Variants in ZFYVE26 observed in about 807,000 individuals in gnomAD.
ZFYVE26 encodes the protein zinc finger FYVE domain-containing protein 26.
A neutral mutation model predicts 276.5 loss-of-function variants in ZFYVE26; 181 were observed. That is an observed-to-expected ratio of 0.65 (90% CI 0.58 to 0.74). The LOEUF is 0.74. Ranked by LOEUF, ZFYVE26 falls within the 30% of genes least tolerant of loss-of-function variation. The pLI is 0.00. For synonymous variants in ZFYVE26, 1,129 were observed against 1,203.1 expected, an observed-to-expected ratio of 0.94 and a Z score of 1.27; for missense variants, 2,821 against 3,097.9, an observed-to-expected ratio of 0.91 and a Z score of 2.12.
chr14:67,798,247 G>A lies in ZFYVE26; in HGVS notation c.2015C>T (p.Thr672Ile). The A allele has an allele frequency of 2.5e-6, 4 of 1,614,190 alleles. No homozygotes were observed. Among genetic ancestry groups the A allele is most frequent in the Non-Finnish European group, 3.4e-6 (4 of 1,180,032 alleles). Residue 672 changes from threonine to isoleucine, a missense_variant, in exon 11 of 42, where the codon ACT becomes ATT. Transcript: ENST00000347230. ...AGCCAGAAATCCACTGATACCACTA[G>A]TAAAGTGTTTTAAGTCCAAAAAGCT... is the stretch of plus-strand genomic sequence containing the variant. ...RHSFLDLKHFTSGISGFLADE... is the reference protein window; with the variant it reads ...RHSFLDLKHFISGISGFLADE...
In ZFYVE26 at chr14:67,729,491, G is replaced by A. The variant is rs563615793; in HGVS notation, n.3008C>T. ...GTTTGTGCCTGATGATGCAATCCAG[G>A]TTTGGGTTGGGCCTGCAAACAGAAT... On this transcript the variant is annotated non_coding_transcript_exon_variant, in exon 14 of 15. Coordinates refer to the ZFYVE26 transcript ENST00000394455. 2.5e-4 allele frequency: 272 copies of A among 1,094,810 alleles called. 1 individual carries two copies. The African/African-American group carries it at 3.3e-3, about 13-fold the overall frequency. The allele number at this position is 1,094,810 out of a possible 1,614,324, so 67.8% of individuals were successfully genotyped here.
intron 10 of ZFYVE26, chr14:67,799,650 G>T (rs1397134502): frequency 7.6e-7 from 1 of 1,324,242 alleles, no homozygotes; most frequent in Admixed American, 1.7e-5. Context: ...GTAAATTGAT[G>T]CCATGGTAGG....
rs748946268 is a variant in ZFYVE26, at chr14:67,762,397, C to A, written c.6175G>T (p.Gly2059Trp). The A allele has an allele frequency of 3.7e-6, 6 of 1,613,964 alleles. No individual in the cohort carries two copies. In the South Asian group the frequency reaches 6.6e-5, roughly 18 times the overall value. The change falls in exon 34 of 42, where the codon GGG (glycine) becomes TGG (tryptophan). Residue 2059 changes from glycine (G) to tryptophan (W), a missense_variant. By Grantham distance (184) the Gly-to-Trp change is radical. Coordinates refer to ENST00000347230, the MANE Select transcript of ZFYVE26 (RefSeq NM_015346.4). The stretch of plus-strand genomic sequence containing the variant: ...TGCCACGCCCCGGTGGTATCAAGCC[C>A]AGTCTTTGTGGAGACCTGGGAGAAA... ...QLGVEVSTKT[G>W]LDTTGAWHAW...
At position 67,814,047 on chromosome 14, in the gene ZFYVE26, T is replaced by A; in HGVS notation, c.212A>T (p.Asn71Ile). 1 of 1,613,830 alleles carries A rather than the reference T, an allele frequency of 6.2e-7. No homozygotes were observed. Among genetic ancestry groups the A allele is most frequent in the East Asian group, 2.2e-5 (1 of 44,880 alleles). ...PNLLRCGQDI[N>I]PQRVAWVWLL... Reference sequence around the variant, plus strand: ...CCAGACCCAGGCTACTCTTTGAGGGTTGATGTCCTGCCCACATCTGAAAAA... The same window carrying A: ...CCAGACCCAGGCTACTCTTTGAGGGATGATGTCCTGCCCACATCTGAAAAA... Residue 71 changes from asparagine (N) to isoleucine (I), a missense_variant, in exon 3 of 42, where the codon AAC (asparagine) becomes ATC (isoleucine). Transcript: ENST00000347230.
chr14:67,777,881 T>A, intron 24 of ZFYVE26, 146 bp from the exon 25 acceptor site: 1 of 1,208,946 alleles, frequency 8.3e-7, no homozygotes, highest in South Asian at 1.3e-5. Context: ...ACCACCTCTG[T>A]AGTTTCCCAA....
chr14:67,732,182 G>C (rs1370544484), intron 13 of ZFYVE26, among the ~76,000 whole-genome samples: 2 of 148,246 alleles, frequency 1.3e-5, no homozygotes, highest in Non-Finnish European at 3.0e-5. Flanking sequence ...CATGCCTGTA[G>C]TCCCAGTACT....
Position 67,806,596 on chromosome 14 carries a change from C to G in ZFYVE26, c.966G>C (p.Val322=). Residue 322 remains valine, a synonymous_variant, in exon 6 of 42, where the codon GTG becomes GTC. Transcript: ENST00000347230. ...TGTTGCTCAGGCAGTAGAAATAGGC[C>G]ACTTTCCAAGCCTCGGCTGGGTTGG... The part of the protein sequence containing the change: ...SNPNPAEAWK[V]AYFYCLSNNK... The G allele has an allele frequency of 1.9e-6, 3 of 1,614,214 alleles. No individual in the cohort carries two copies. Among genetic ancestry groups the G allele is most frequent in the Non-Finnish European group, 2.5e-6 (3 of 1,180,030 alleles).
Position 67,755,966 on chromosome 14 carries a change from C to A in ZFYVE26, c.6768G>T (p.Glu2256Asp), listed in dbSNP as rs780671236. Residue 2256 changes from glutamate to aspartate, a missense_variant, in exon 36 of 42, where the codon GAG becomes GAT. Physicochemically the swap from Glu to Asp is conservative, Grantham distance 45. Transcript: ENST00000347230. ...CCATTACCTTCATAAACTGCTGCAGCTCATACAGAATGTGGTAGTAGTTCT... is the reference window on the plus strand; with the variant it reads ...CCATTACCTTCATAAACTGCTGCAGATCATACAGAATGTGGTAGTAGTTCT... The part of the protein sequence containing the change: ...QKKNYYHILY[E>D]LQQFMKDQVR... 3.7e-6 allele frequency: 6 copies of A among 1,614,242 alleles called. No homozygotes were observed. In the South Asian group the frequency reaches 6.6e-5, roughly 18 times the overall value.
intron 3 of ZFYVE26, 80 bp from the exon 4 acceptor site, chr14:67,809,369 G>T: frequency 4.2e-6 from 4 of 948,884 alleles, no homozygotes; most frequent in Non-Finnish European, 6.5e-6. Flanking sequence ...TTTCTGTCCA[G>T]TTAGTCTTAT....
At chr14:67,806,973 C>G (rs1190344151) in intron 5 of ZFYVE26, among the ~76,000 whole-genome samples, 1 of 152,128 alleles carries the variant, frequency 6.6e-6, no homozygotes, top group Non-Finnish European at 1.5e-5. Flanking sequence ...CTCTGTCATG[C>G]AGGCTGGAAT....
chr14:67,755,103 T>G lies in ZFYVE26; in HGVS notation c.6934A>C (p.Arg2312=), dbSNP rs781128058. The change falls in exon 37 of 42, where the codon AGG becomes CGG. Residue 2312 remains arginine, a synonymous_variant. Transcript: ENST00000347230. ...YLQETSRSSG[R]KKTTFFRKKM... is the part of the protein sequence containing the mutation. Reference sequence around the variant, plus strand: ...TTTCTGAAGAATGTGGTTTTCTTCCTTCCAGAGCTGCGGGATGTTTCTTGG... The same window carrying G: ...TTTCTGAAGAATGTGGTTTTCTTCCGTCCAGAGCTGCGGGATGTTTCTTGG... The G allele has an allele frequency of 1.9e-6, 3 of 1,614,202 alleles. No homozygotes were observed. The highest frequency in any genetic ancestry group is 2.5e-6 in the Non-Finnish European group (3 of 1,180,036).
intron 3 of ZFYVE26, 119 bp from the exon 4 acceptor site, chr14:67,809,408 C>CTTTT (rs10580613): frequency 2.3e-4 from 50 of 213,332 alleles, no homozygotes; most frequent in Admixed American, 3.5e-4. Context: ...ATGAAGCACT[C>CTTTT]TTTTTTTTTT....
intron 10 of ZFYVE26, among the ~76,000 whole-genome samples, chr14:67,801,861 T>C (rs2040084518): frequency 6.6e-6 from 1 of 152,226 alleles, no homozygotes; most frequent in Non-Finnish European, 1.5e-5. Context: ...GAAAACACCA[T>C]ACTAGGTGAT....
chr14:67,801,640 C>A (rs2040080974), intron 10 of ZFYVE26, among the ~76,000 whole-genome samples: 1 of 152,096 alleles, frequency 6.6e-6, no homozygotes, highest in South Asian at 2.1e-4. Context: ...ATGAAATTGC[C>A]TTAGAAGACT....
chr14:67,790,799 G>GA, intron 14 of ZFYVE26, 26 bp from the exon 15 acceptor site: 2 of 1,605,314 alleles, frequency 1.2e-6, no homozygotes, highest in Non-Finnish European at 1.7e-6. Context: ...GAGTGTGTGG[G>GA]CCCTGGTGGT....
At chr14:67,738,700 G>C (rs2038380267) in intron 13 of ZFYVE26, among the ~76,000 whole-genome samples, 1 of 152,094 alleles carries the variant, frequency 6.6e-6, no homozygotes, top group Admixed American at 6.5e-5. Flanking sequence ...CCTGGGGAAG[G>C]ATTAATGGGA....
intron 13 of ZFYVE26, among the ~76,000 whole-genome samples, chr14:67,737,716 T>A (rs17782775): frequency 6.6e-5 from 10 of 151,708 alleles, no homozygotes; most frequent in Non-Finnish European, 1.3e-4. Flanking sequence ...CACAAAAGAG[T>A]AGTACCCATA....
chr14:67,799,130 CG>C, intron 10 of ZFYVE26: 1 of 1,441,820 alleles, frequency 6.9e-7, no homozygotes, highest in Non-Finnish European at 9.8e-7. Context: ...GGCGTACTGG[CG>C]GCTACTCTTT....
intron 32 of ZFYVE26, among the ~76,000 whole-genome samples, chr14:67,765,030 CTTT>C (rs935693984): frequency 1.3e-5 from 2 of 151,800 alleles, no homozygotes; most frequent in African/African-American, 4.8e-5. Flanking sequence ...TGTTTTCCAT[CTTT>C]TTTTTCCTCC....
Sources: gnomAD v4.1 joint callset for allele counts (sites outside exome capture counted in the v4.1 genomes callset) on GRCh38, gnomAD v4.1.1 for gene constraint, MANE v1.5 for transcripts, NCBI Gene and HGNC (gene_info 2026-07-23, HGNC 2026-07-21) for gene names.